SGCA: variants seen among roughly 807,000 people sequenced by gnomAD.
SGCA encodes sarcoglycan alpha.
A neutral mutation model predicts 38.1 loss-of-function variants in SGCA; 34 were observed. That is an observed-to-expected ratio of 0.89 (90% CI 0.68 to 1.19). The LOEUF is 1.19. SGCA is among the 50% of genes most tolerant of loss of function. The pLI, the probability that SGCA is intolerant of heterozygous loss-of-function variation, is 0.00. For synonymous variants in SGCA, 209 were observed against 214.6 expected (o/e 0.97, Z 0.23); for missense variants, 476 against 524.9 (o/e 0.91, Z 0.91).
rs1280326054 is a variant in SGCA, at chr17:50,167,427, G to C, written c.97G>C (p.Gly33Arg). 6.2e-7 allele frequency: 1 copy of C among 1,614,170 alleles called. No individual in the cohort carries two copies. Among genetic ancestry groups the C allele is most frequent in the Admixed American group, 1.7e-5 (1 of 60,026 alleles). ...GCAGACCACGCTACACCCACTTGTGGGCCGTGTCTTTGTGCACACCTTGGA... is the reference window on the plus strand; with the variant it reads ...GCAGACCACGCTACACCCACTTGTGCGCCGTGTCTTTGTGCACACCTTGGA... ...AQQTTLHPLV[G>R]RVFVHTLDHE... The change falls in exon 2 of 10, where the codon GGC (glycine) becomes CGC (arginine). Residue 33 changes from glycine to arginine, a missense_variant. Transcript: ENST00000262018. This position sits in a 1 kb window ranked among gnomAD's most constrained non-coding sequence, Gnocchi z 4.5.
Position 50,168,510 on chromosome 17 carries a change from C to T in SGCA, c.522C>T (p.Asn174=), listed in dbSNP as rs148960833. The T allele has an allele frequency of 3.7e-5, 59 of 1,579,952 alleles. No individual in the cohort carries two copies. The East Asian group carries it at 1.1e-3, about 29-fold the overall frequency. The change falls in exon 5 of 10, where the codon AAC becomes AAT. Residue 174 remains asparagine, a synonymous_variant. Transcript: ENST00000262018. ...LWEPGELQLL[N]VTSALDRGGR... ...AGCCCGGAGAGCTTCAGCTGCTCAACGTCACCTCTGCCTTGGACCGTGGGG... is the reference window on the plus strand; with the variant it reads ...AGCCCGGAGAGCTTCAGCTGCTCAATGTCACCTCTGCCTTGGACCGTGGGG...
rs146924667 is a variant in SGCA, at chr17:50,175,349, C to T, written c.1076C>T (p.Thr359Ile). The change falls in exon 9 of 10, where the codon ACC (threonine) becomes ATC (isoleucine). Residue 359 changes from threonine (T) to isoleucine (I), a missense_variant. Coordinates refer to ENST00000262018, the MANE Select transcript of SGCA (RefSeq NM_000023.4). ...ASREVPRPLS[T>I]LPMFNVHTGE... The stretch of plus-strand genomic sequence containing the variant: ...CGCGAGGTGCCCCGGCCACTCTCCA[C>T]CCTGCCCATGTTCAATGTGCACACA... 6.2e-7 allele frequency: 1 copy of T among 1,612,474 alleles called. No homozygotes were observed. Among genetic ancestry groups the T allele is most frequent in the Non-Finnish European group, 8.5e-7 (1 of 1,179,854 alleles).
intron 5 of SGCA, 139 bp downstream of exon 5, chr17:50,168,711 C>A: frequency 1.3e-6 from 1 of 774,376 alleles, no homozygotes; most frequent in Non-Finnish European, 2.2e-6. Flanking sequence ...CCTCACCACT[C>A]TCCTCTGGCT....
At chr17:50,171,705 C>G (rs1018470077) in intron 8 of SGCA, 18 of 456,698 alleles carry the variant, frequency 3.9e-5, no homozygotes, top group African/African-American at 3.6e-4. Context: ...AGCCTGAGGC[C>G]CCCCTGCCGG....
chr17:50,170,176 G>T lies in SGCA; in HGVS notation c.781G>T (p.Val261Leu), dbSNP rs754703769. Residue 261 changes from valine to leucine, a missense_variant, in exon 7 of 10, where the codon GTG (valine) becomes TTG (leucine). By Grantham distance (32) the Val-to-Leu change is conservative. Transcript: ENST00000262018. ...GTCAGTGCCGGAGCCTGCAGATGAGGTGCCCACCCCAGGTGATGGGATCCT... is the reference window on the plus strand; with the variant it reads ...GTCAGTGCCGGAGCCTGCAGATGAGTTGCCCACCCCAGGTGATGGGATCCT... Reference protein sequence around the residue: ...DKSVPEPADEVPTPGDGILEH... With the variant: ...DKSVPEPADELPTPGDGILEH... 3.1e-6 allele frequency: 5 copies of T among 1,614,020 alleles called. No individual in the cohort carries two copies. The highest frequency in any genetic ancestry group is 4.2e-6 in the Non-Finnish European group (5 of 1,180,038).
rs886043221 is a variant in SGCA, at chr17:50,168,391, C to T, written c.403C>T (p.Gln135Ter). 14 of 1,582,946 alleles carry T rather than the reference C, an allele frequency of 8.8e-6. No individual in the cohort carries two copies. The highest frequency in any genetic ancestry group is 1.1e-5 in the Non-Finnish European group (13 of 1,164,724). The change falls in exon 5 of 10, where the codon CAA (glutamine) becomes TAA (stop). Residue 135 changes from glutamine to a stop codon, truncating the protein, a stop_gained. Transcript: ENST00000262018. LOFTEE classifies it high-confidence loss of function. The stretch of plus-strand genomic sequence containing the variant: ...CTTCCCAGGCCCCCTGCTGCCATAC[C>T]AAGCCGAGTTCCTGGTGCGCAGCCA... The part of the protein sequence containing the change: ...GDPEGPLLPY[Q>*]AEFLVRSHDA...
chr17:50,166,071 C>T lies in SGCA; in HGVS notation c.31C>T (p.Leu11Phe), dbSNP rs1164863952. 1 of 1,613,524 alleles carries T rather than the reference C, an allele frequency of 6.2e-7. No homozygotes were observed. The highest frequency in any genetic ancestry group is 1.3e-5 in the African/African-American group (1 of 74,926). ...TGAGACACTCTTCTGGACTCCTCTC[C>T]TCGTGGGCAAGTTGGGGCCTTGTTC... MAETLFWTPL[L>F]VVLLAGLGDT... Residue 11 changes from leucine to phenylalanine, a missense_variant, in exon 1 of 10, where the codon CTC becomes TTC. Leu to Phe is a conservative substitution (Grantham distance 22). Coordinates refer to ENST00000262018, the MANE Select transcript of SGCA (RefSeq NM_000023.4).
At chr17:50,169,751 T>G in intron 6 of SGCA, 1 of 380,962 alleles carries the variant, frequency 2.6e-6, no homozygotes, top group Non-Finnish European at 5.0e-6. Context: ...TGTACACTGT[T>G]CCTGTGAATT....
In SGCA at chr17:50,168,011, A is replaced by C; in HGVS notation, c.377A>C (p.Asp126Ala). ...TRQRLVLEIG[D>A]PEGPLLPYQA... ...CAGAGGCTGGTGCTGGAGATTGGGG[A>C]CCCAGAAGGTACCTCTAGCTGTGCC... The change falls in exon 4 of 10, where the codon GAC becomes GCC. Residue 126 changes from aspartate to alanine, a missense_variant. Transcript: ENST00000262018. 6.2e-7 allele frequency: 1 copy of C among 1,613,584 alleles called. No individual in the cohort carries two copies. The highest frequency in any genetic ancestry group is 8.5e-7 in the Non-Finnish European group (1 of 1,179,616).
chr17:50,170,811 G>C (rs1905323004), intron 8 of SGCA, 145 bp downstream of exon 8: 1 of 754,312 alleles, frequency 1.3e-6, no homozygotes. Context: ...TGTAATCCCA[G>C]CACTTTGGGA....
rs1353699486 is a variant in SGCA at position 50,175,283 on chromosome 17, T to C, written c.1010T>C (p.Ile337Thr). The change falls in exon 9 of 10, where the codon ATC becomes ACC. Residue 337 changes from isoleucine (I) to threonine (T), a missense_variant. Coordinates refer to ENST00000262018, the MANE Select transcript of SGCA (RefSeq NM_000023.4). The stretch of plus-strand genomic sequence containing the variant: ...ATCCAGATGGTCCACCACTGCACCA[T>C]CCACGGGAACACAGAGGAGCTGCGG... ...SDIQMVHHCT[I>T]HGNTEELRQM... The C allele has an allele frequency of 1.0e-5, 16 of 1,607,668 alleles. No individual in the cohort carries two copies. Among genetic ancestry groups the C allele is most frequent in the Non-Finnish European group, 1.4e-5 (16 of 1,177,692 alleles).
At position 50,175,284 on chromosome 17, in the gene SGCA, C is replaced by T. The variant is rs1209145667; in HGVS notation, c.1011C>T (p.Ile337=). 6.2e-7 allele frequency: 1 copy of T among 1,607,600 alleles called. No individual in the cohort carries two copies. Among genetic ancestry groups the T allele is most frequent in the African/African-American group, 1.3e-5 (1 of 74,886 alleles). Residue 337 remains isoleucine, a synonymous_variant, in exon 9 of 10, where the codon ATC becomes ATT. Coordinates refer to ENST00000262018, the MANE Select transcript of SGCA (RefSeq NM_000023.4). Reference sequence around the variant, plus strand: ...TCCAGATGGTCCACCACTGCACCATCCACGGGAACACAGAGGAGCTGCGGC... The same window carrying T: ...TCCAGATGGTCCACCACTGCACCATTCACGGGAACACAGAGGAGCTGCGGC... ...SDIQMVHHCT[I]HGNTEELRQM...
Position 50,169,466 on chromosome 17 carries a change from C to G in SGCA, c.747+212C>G, listed in dbSNP as rs2696295. 16 of 546,748 alleles carry G rather than the reference C, an allele frequency of 2.9e-5. No individual in the cohort carries two copies. The East Asian group carries it at 5.1e-4, about 17-fold the overall frequency. The allele number at this position is 546,748 out of a possible 1,614,324, so 33.9% of individuals were successfully genotyped here. On this transcript the variant is annotated intron_variant, in intron 6 of 9. Coordinates refer to ENST00000262018, the MANE Select transcript of SGCA (RefSeq NM_000023.4). ...ACACACCCCTGAAGTTCTACCTTTC[C>G]CCCACAAGAGGGCAACAGAGTCCGC...
chr17:50,170,195 G>A lies in SGCA; in HGVS notation c.800G>A (p.Gly267Glu), dbSNP rs1905257020. 1 of 1,614,170 alleles carries A rather than the reference G, an allele frequency of 6.2e-7. No homozygotes were observed. Among genetic ancestry groups the A allele is most frequent in the Non-Finnish European group, 8.5e-7 (1 of 1,180,028 alleles). The change falls in exon 7 of 10, where the codon GGG (glycine) becomes GAG (glutamate). Residue 267 changes from glycine (G) to glutamate (E), a missense_variant. Physicochemically the swap from Gly to Glu is moderately conservative, Grantham distance 98. Coordinates refer to ENST00000262018, the MANE Select transcript of SGCA (RefSeq NM_000023.4). The stretch of plus-strand genomic sequence containing the variant: ...GATGAGGTGCCCACCCCAGGTGATG[G>A]GATCCTGGAGCATGACCCGTTCTTC... ...PADEVPTPGD[G>E]ILEHDPFFCP...
rs117672945 is a variant in SGCA, at chr17:50,167,984, G to T, written c.350G>T (p.Arg117Leu). Residue 117 changes from arginine to leucine, a missense_variant, in exon 4 of 10, where the codon CGG becomes CTG. Transcript: ENST00000262018. The surrounding 1 kb of genome is among the most constrained non-coding windows in gnomAD (Gnocchi z 4.5). ...AYNRDSFDTT[R>L]QRLVLEIGDP... Reference sequence around the variant, plus strand: ...AATCGGGACAGCTTTGATACCACTCGGCAGAGGCTGGTGCTGGAGATTGGG... The same window carrying T: ...AATCGGGACAGCTTTGATACCACTCTGCAGAGGCTGGTGCTGGAGATTGGG... 3.1e-6 allele frequency: 5 copies of T among 1,614,056 alleles called. No homozygotes were observed. The highest frequency in any genetic ancestry group is 4.2e-6 in the Non-Finnish European group (5 of 1,180,046).
chr17:50,168,149 C>T lies in SGCA; in HGVS notation c.385+130C>T, dbSNP rs1905085378. On this transcript the variant is annotated intron_variant, in intron 4 of 9. Transcript: ENST00000262018. Reference sequence around the variant, plus strand: ...AGCAGGGCATCCTGGAAAGTGGGGACAAGGCTCTCAGGGAATGGGTGCTGG... The same window carrying T: ...AGCAGGGCATCCTGGAAAGTGGGGATAAGGCTCTCAGGGAATGGGTGCTGG... The T allele has an allele frequency of 8.6e-6, 8 of 927,964 alleles. No homozygotes were observed. In the South Asian group the frequency reaches 1.1e-4, roughly 12 times the overall value. The allele number at this position is 927,964 out of a possible 1,614,324, so 57.5% of individuals were successfully genotyped here. A position where few individuals can be genotyped will look rare whatever the true frequency, so the allele number is the denominator to read the frequency against.
At position 50,167,637 on chromosome 17, in the gene SGCA, C is replaced by A; in HGVS notation, c.213C>A (p.Asp71Glu). The A allele has an allele frequency of 6.2e-7, 1 of 1,613,954 alleles. No homozygotes were observed. The highest frequency in any genetic ancestry group is 8.5e-7 in the Non-Finnish European group (1 of 1,179,996). The change falls in exon 3 of 10, where the codon GAC (aspartate) becomes GAA (glutamate). Residue 71 changes from aspartate (D) to glutamate (E), a missense_variant. By Grantham distance (45) the Asp-to-Glu change is conservative (BLOSUM62 2). Coordinates refer to ENST00000262018, the MANE Select transcript of SGCA (RefSeq NM_000023.4). This position sits in a 1 kb window ranked among gnomAD's most constrained non-coding sequence, Gnocchi z 4.5. ...ACGCCCACCTCCAGGGACACCCAGA[C>A]CTGCCCCGGTGGCTCCGCTACACCC... ...TYHAHLQGHPDLPRWLRYTQR... is the reference protein window; with the variant it reads ...TYHAHLQGHPELPRWLRYTQR...
At chr17:50,169,952 A>G in intron 6 of SGCA, 191 bp from the exon 7 acceptor site, 1 of 649,038 alleles carries the variant, frequency 1.5e-6, no homozygotes, top group Non-Finnish European at 2.8e-6. Flanking sequence ...TAATCATCCT[A>G]GCTAAGCACT....
intron 8 of SGCA, among the ~76,000 whole-genome samples, chr17:50,170,906 A>AT (rs113182656): frequency 1.3e-5 from 2 of 152,206 alleles, no homozygotes; most frequent in Admixed American, 6.5e-5. Context: ...CAAAAAAAAA[A>AT]TTTTTTAACT....
Sources: gnomAD v4.1 joint callset for allele counts (sites outside exome capture counted in the v4.1 genomes callset) on GRCh38, gnomAD v4.1.1 for gene constraint, Gnocchi (gnomAD v3.1) non-coding constraint, MANE v1.5 for transcripts, NCBI Gene and HGNC (gene_info 2026-07-23, HGNC 2026-07-21) for gene names.